HSD17B13: variants seen among roughly 807,000 people sequenced by gnomAD.
HSD17B13 encodes the protein hydroxysteroid 17-beta dehydrogenase 13.
In HSD17B13, 26 loss-of-function variants were observed where a neutral mutation model predicts 31.1. The ratio of observed to expected loss-of-function variants is 0.84; its 90% confidence interval spans 0.61 to 1.16. The LOEUF is 1.16. Ranked by LOEUF, HSD17B13 falls within the 50% of genes most tolerant of loss-of-function variation. The pLI, the probability that HSD17B13 is intolerant of heterozygous loss-of-function variation, is 0.00. For synonymous variants in HSD17B13, 141 were observed against 133.7 expected, an observed-to-expected ratio of 1.05 and a Z score of -0.38; for missense variants, 374 against 366.5, an observed-to-expected ratio of 1.02 and a Z score of -0.17.
At chr4:87,312,592 C>T (rs561391745) in intron 5 of HSD17B13, among the ~76,000 whole-genome samples, 23 of 120,786 alleles carry the variant, frequency 1.9e-4, no homozygotes, top group Middle Eastern at 6.1e-3. Flanking sequence ...TGCAGTGGCG[C>T]GATCTCGGCT....
intron 6 of HSD17B13, among the ~76,000 whole-genome samples, chr4:87,309,228 C>CA (rs1734468478): frequency 6.6e-6 from 1 of 150,852 alleles, no homozygotes; most frequent in Non-Finnish European, 1.5e-5. Flanking sequence ...ACTACAAACA[C>CA]AAAAAGTTAG....
Position 87,315,344 on chromosome 4 carries a change from CTTCA to C in HSD17B13, c.557+145_557+148del, listed in dbSNP as rs1560749148. 1.2e-4 allele frequency: 55 copies of C among 467,766 alleles called. 1 individual carries two copies. In the South Asian group the frequency reaches 2.4e-3, roughly 20 times the overall value. 29.0% of individuals were successfully genotyped at this position (467,766 alleles called of 1,614,324 possible). On this transcript the variant is annotated intron_variant, in intron 4 of 6. Transcript: ENST00000328546. ...TTTCAATAAATCTCTGCTTTTGTTG[CTTCA>C]TTCTTTCCTGGCTTTGTTGGTGAGT...
chr4:87,303,856 T>A lies in HSD17B13; in HGVS notation c.*1362A>T, dbSNP rs1261270122. 1 of 105,866 alleles carries A rather than the reference T, an allele frequency of 9.4e-6. No individual in the cohort carries two copies. The highest frequency in any genetic ancestry group is 1.9e-5 in the Non-Finnish European group (1 of 53,318). The allele number at this position is 105,866 out of a possible 1,614,324, so 6.6% of individuals were successfully genotyped here. A position where few individuals can be genotyped will look rare whatever the true frequency, so the allele number is the denominator to read the frequency against. ...GTTATTTTTTTAAAGCACAATGACA[T>A]ATTTATTTTTAGTGAATTGTTTTTG... On this transcript the variant is annotated 3_prime_UTR_variant, in exon 7 of 7. Transcript: ENST00000328546.
intron 5 of HSD17B13, among the ~76,000 whole-genome samples, chr4:87,312,662 T>TG (rs1185373208): frequency 2.7e-5 from 4 of 150,710 alleles, no homozygotes; most frequent in Non-Finnish European, 5.9e-5. Flanking sequence ...CCCGCGCAGC[T>TG]GGGACTACAG....
At chr4:87,311,683 G>A (rs1196599457) in intron 5 of HSD17B13, among the ~76,000 whole-genome samples, 2 of 152,142 alleles carry the variant, frequency 1.3e-5, no homozygotes, top group Admixed American at 6.5e-5. Context: ...AGATGTCCAG[G>A]CATGGACTGA....
chr4:87,303,825 C>T lies in HSD17B13; in HGVS notation c.*1393G>A, dbSNP rs1298120904. On this transcript the variant is annotated 3_prime_UTR_variant, in exon 7 of 7. Transcript: ENST00000328546. ...AGTCAAACGTTTTATTTTATAACTA[C>T]AAGAGGTTATTTTTTTAAAGCACAA... is the stretch of plus-strand genomic sequence containing the variant. The T allele has an allele frequency of 6.6e-6, 1 of 151,972 alleles. No homozygotes were observed. The highest frequency in any genetic ancestry group is 1.5e-5 in the Non-Finnish European group (1 of 68,012). 9.4% of individuals were successfully genotyped at this position (151,972 alleles called of 1,614,324 possible).
chr4:87,321,477 C>T (rs112592619), intron 1 of HSD17B13, among the ~76,000 whole-genome samples: 15,811 of 152,128 alleles, frequency 0.1, 947 homozygotes, highest in Middle Eastern at 0.15. Context: ...TTCATCAAGC[C>T]CTTTTCATAG....
rs554378145 is a variant in HSD17B13 at position 87,306,469 on chromosome 4, CT to C, written c.813-1162del. On this transcript the variant is annotated intron_variant, in intron 6 of 6. Transcript: ENST00000328546. Reference sequence around the variant, plus strand: ...TTAGCTGATAGGCTAAAATGGTCATCTTAAAACAATTATTGAAAAATATCAG... The same window carrying C: ...TTAGCTGATAGGCTAAAATGGTCATCTAAAACAATTATTGAAAAATATCAG... Among the ~76,000 whole-genome samples the C allele has an allele frequency of 9.6e-4, 146 of 152,236 alleles. 1 individual carries two copies. In the Middle Eastern group the frequency reaches 0.01, roughly 11 times the overall value.
rs1734323718 is a variant in HSD17B13 at position 87,303,947 on chromosome 4, T to A, written c.*1271A>T. 6.6e-6 allele frequency: 1 copy of A among 151,962 alleles called. No homozygotes were observed. The highest frequency in any genetic ancestry group is 1.5e-5 in the Non-Finnish European group (1 of 68,008). 9.4% of individuals were successfully genotyped at this position (151,962 alleles called of 1,614,324 possible). ...GGATAGTCCATGCAAAAGCATTCTA[T>A]AATACATGTGAAAAACACACAAAAC... On this transcript the variant is annotated 3_prime_UTR_variant, in exon 7 of 7. Coordinates refer to ENST00000328546, the MANE Select transcript of HSD17B13 (RefSeq NM_178135.5).
In HSD17B13 at chr4:87,322,855, C is replaced by A; in HGVS notation, c.-14G>T. 1 of 1,609,462 alleles carries A rather than the reference C, an allele frequency of 6.2e-7. No individual in the cohort carries two copies. ...GATGATGTTCATGGCTTTGCTCTGT[C>A]CTCTTCCTTCTGGTTCAGTCCTTGT... On this transcript the variant is annotated 5_prime_UTR_variant, in exon 1 of 7. Coordinates refer to ENST00000328546, the MANE Select transcript of HSD17B13 (RefSeq NM_178135.5).
chr4:87,318,797 CAAAAAAAA>C (rs1158406945), intron 1 of HSD17B13, among the ~76,000 whole-genome samples: 1 of 83,530 alleles, frequency 1.2e-5, no homozygotes, highest in East Asian at 5.2e-4. Flanking sequence ...GACTCTGTCT[CAAAAAAAA>C]AAAAAAAAAA....
intron 5 of HSD17B13, among the ~76,000 whole-genome samples, chr4:87,311,639 A>G (rs1734532259): frequency 6.6e-6 from 1 of 152,222 alleles, no homozygotes; most frequent in Non-Finnish European, 1.5e-5. Context: ...AGATGATGAC[A>G]GAAAAATGGA....
At position 87,315,617 on chromosome 4, in the gene HSD17B13, A is replaced by G; in HGVS notation, c.451-18T>C. The G allele has an allele frequency of 6.7e-7, 1 of 1,483,536 alleles. No individual in the cohort carries two copies. Among genetic ancestry groups the G allele is most frequent in the South Asian group, 1.2e-5 (1 of 85,280 alleles). 91.9% of individuals were successfully genotyped at this position (1,483,536 alleles called of 1,614,324 possible). On this transcript the variant is annotated intron_variant, in intron 3 of 6. Coordinates refer to ENST00000328546, the MANE Select transcript of HSD17B13 (RefSeq NM_178135.5). The stretch of plus-strand genomic sequence containing the variant: ...TTTGTGATCTTAAGGATCATTGCAG[A>G]AAGAAGAAAGACAATGACATAGACG...
intron 1 of HSD17B13, 34 bp from the exon 2 acceptor site, chr4:87,318,470 T>C (rs755552916): frequency 1.3e-6 from 2 of 1,578,448 alleles, no homozygotes; most frequent in South Asian, 1.1e-5. Flanking sequence ...CCGAAAAAAG[T>C]GGAGGAGAAG....
intron 6 of HSD17B13, among the ~76,000 whole-genome samples, chr4:87,308,485 TAAAAAAAAAAAAAAAA>T (rs893354684): frequency 1.6e-3 from 53 of 33,212 alleles, no homozygotes; most frequent in African/African-American, 2.8e-3. Context: ...CCGTCTCTAC[TAAAAAAAAAAAAAAAA>T]AAAAAAAAAA....
In HSD17B13 at chr4:87,317,074, T is replaced by C. The variant is rs1489569026; in HGVS notation, c.450+18A>G. Reference sequence around the variant, plus strand: ...AGAGAAGGTGCACAAATCAGAAATGTTTCTGACTCACACTCACCCAAAAAT... The same window carrying C: ...AGAGAAGGTGCACAAATCAGAAATGCTTCTGACTCACACTCACCCAAAAAT... On this transcript the variant is annotated intron_variant, in intron 3 of 6. Transcript: ENST00000328546. 2 of 1,612,856 alleles carry C rather than the reference T, an allele frequency of 1.2e-6. No homozygotes were observed. Among genetic ancestry groups the C allele is most frequent in the South Asian group, 2.2e-5 (2 of 90,986 alleles).
At chr4:87,306,229 T>C (rs1334506585) in intron 6 of HSD17B13, among the ~76,000 whole-genome samples, 1 of 152,176 alleles carries the variant, frequency 6.6e-6, no homozygotes, top group Non-Finnish European at 1.5e-5. Context: ...TCTCACTCTC[T>C]TATCTGATAT....
intron 2 of HSD17B13, 120 bp from the exon 3 acceptor site, chr4:87,317,343 C>A: frequency 1.1e-6 from 1 of 942,918 alleles, no homozygotes; most frequent in South Asian, 1.6e-5. Flanking sequence ...AGAGTTCAGG[C>A]AAGACAGACT....
At chr4:87,321,398 A>T (rs963923227) in intron 1 of HSD17B13, among the ~76,000 whole-genome samples, 2 of 152,088 alleles carry the variant, frequency 1.3e-5, no homozygotes, top group South Asian at 2.1e-4. Flanking sequence ...TTTAAAATTT[A>T]AAAAAAACTT....
Sources: allele counts gnomAD v4.1 joint callset (sites outside exome capture counted in the v4.1 genomes callset), GRCh38; gene constraint gnomAD v4.1.1; transcripts MANE v1.5; gene names NCBI Gene and HGNC (gene_info 2026-07-23, HGNC 2026-07-21).